Variants in LRMDA observed in about 807,000 individuals in gnomAD.
The protein encoded by LRMDA is leucine-rich melanocyte differentiation-associated protein.
A neutral mutation model predicts 29.8 loss-of-function variants in LRMDA; 18 were observed. The ratio of observed to expected loss-of-function variants is 0.60; its 90% CI spans 0.42 to 0.90. The LOEUF is 0.90. Among genes scored for constraint, LRMDA ranks in the 40% least tolerant of loss-of-function variants. The pLI is 0.00. For missense variants in LRMDA, 273 were observed against 273.9 expected, an observed-to-expected ratio of 1.00 and a Z score of 0.02; for synonymous variants, 125 against 109.4, an observed-to-expected ratio of 1.14 and a Z score of -0.89.
At chr10:75,996,396 A>T (rs1847462719) in intron 2 of LRMDA, among the ~76,000 whole-genome samples, 1 of 152,162 alleles carries the variant, frequency 6.6e-6, no homozygotes, top group African/African-American at 2.4e-5. Flanking sequence ...CCTATTTATT[A>T]AAGGTTTTAT....
chr10:75,795,801 G>C (rs1843642510), intron 2 of LRMDA, among the ~76,000 whole-genome samples: 1 of 152,144 alleles, frequency 6.6e-6, no homozygotes. Flanking sequence ...GTGGGGTTTT[G>C]ATTGGGATTT....
intron 2 of LRMDA, chr10:75,782,708 A>T (rs1347448354): frequency 7.9e-7 from 1 of 1,270,430 alleles, no homozygotes; most frequent in Non-Finnish European, 1.0e-6. Context: ...AAAGCCAGGC[A>T]CTTGTGAGAT....
chr10:76,034,121 T>C (rs1450680573), intron 2 of LRMDA, among the ~76,000 whole-genome samples: 2 of 151,916 alleles, frequency 1.3e-5, no homozygotes, highest in African/African-American at 4.8e-5. Flanking sequence ...CAACAGGAAA[T>C]AGAGGAGCGG....
intron 2 of LRMDA, among the ~76,000 whole-genome samples, chr10:75,685,303 G>A (rs546416592): frequency 6.6e-6 from 1 of 152,262 alleles, no homozygotes; most frequent in South Asian, 2.1e-4. Flanking sequence ...TCTCCTTGGG[G>A]ATTTGAGAAT....
At chr10:75,599,579 CG>C (rs1396621778) in intron 2 of LRMDA, among the ~76,000 whole-genome samples, 1 of 152,048 alleles carries the variant, frequency 6.6e-6, no homozygotes, top group Non-Finnish European at 1.5e-5. Flanking sequence ...ATGGAGACGG[CG>C]GGTAGTAGAA....
chr10:75,608,129 T>TATATATATATATATATATAA, intron 2 of LRMDA, among the ~76,000 whole-genome samples: 1 of 89,600 alleles, frequency 1.1e-5, no homozygotes, highest in South Asian at 4.1e-4. Context: ...TATATATATA[T>TATATATATATATATATATAA]ACACACACAT....
At chr10:75,639,881 G>C (rs1005948970) in intron 2 of LRMDA, among the ~76,000 whole-genome samples, 4 of 152,214 alleles carry the variant, frequency 2.6e-5, no homozygotes, top group African/African-American at 7.2e-5. Flanking sequence ...TGATGCTGTC[G>C]TGTTGAGGAG....
chr10:76,485,895 G>C (rs981436609), intron 6 of LRMDA, among the ~76,000 whole-genome samples: 2 of 151,790 alleles, frequency 1.3e-5, no homozygotes, highest in Non-Finnish European at 2.9e-5. Flanking sequence ...GACTGCTATA[G>C]CTCCCAGGCT....
chr10:76,526,630 AT>A (rs914320120), intron 6 of LRMDA, among the ~76,000 whole-genome samples: 1 of 152,100 alleles, frequency 6.6e-6, no homozygotes, highest in African/African-American at 2.4e-5. Context: ...GATAAATCGC[AT>A]TTTTTGTATA....
chr10:75,560,285 C>T (rs1840274079), intron 2 of LRMDA, among the ~76,000 whole-genome samples: 1 of 152,034 alleles, frequency 6.6e-6, no homozygotes, highest in Non-Finnish European at 1.5e-5. Flanking sequence ...ATTTTATTCT[C>T]TTTGAAACAA....
At chr10:76,527,421 T>G (rs1039011808) in intron 6 of LRMDA, among the ~76,000 whole-genome samples, 4 of 152,196 alleles carry the variant, frequency 2.6e-5, no homozygotes. Flanking sequence ...ATAACCTCTC[T>G]GCAGATTGAA....
At chr10:75,439,491 A>C (rs1199574529) in intron 2 of LRMDA, among the ~76,000 whole-genome samples, 1 of 152,214 alleles carries the variant, frequency 6.6e-6, no homozygotes, top group East Asian at 1.9e-4. Context: ...AAAATGGAAC[A>C]CAACTCTGGA....
intron 5 of LRMDA, among the ~76,000 whole-genome samples, chr10:76,163,583 A>G (rs939367896): frequency 2.0e-5 from 3 of 152,166 alleles, no homozygotes; most frequent in Non-Finnish European, 4.4e-5. Flanking sequence ...ACATCTTTCT[A>G]TGTAATTCAT....
intron 6 of LRMDA, among the ~76,000 whole-genome samples, chr10:76,410,123 A>G (rs941998959): frequency 6.6e-6 from 1 of 151,964 alleles, no homozygotes; most frequent in Non-Finnish European, 1.5e-5. Flanking sequence ...GAAGGCACGG[A>G]ATTGTAGTTT....
intron 6 of LRMDA, among the ~76,000 whole-genome samples, chr10:76,404,166 A>G (rs568351200): frequency 6.6e-6 from 1 of 152,346 alleles, no homozygotes; most frequent in East Asian, 1.9e-4. Context: ...GAAATCACAT[A>G]GCACGAGATA....
At chr10:75,933,257 G>A (rs1846234075) in intron 2 of LRMDA, among the ~76,000 whole-genome samples, 1 of 152,122 alleles carries the variant, frequency 6.6e-6, no homozygotes, top group African/African-American at 2.4e-5. Context: ...AGAGGAGATT[G>A]GCCAACGAGA....
chr10:75,760,819 C>A (rs942507363), intron 2 of LRMDA, among the ~76,000 whole-genome samples: 4 of 152,182 alleles, frequency 2.6e-5, no homozygotes, highest in Admixed American at 6.5e-5. Context: ...TCAGGGCATA[C>A]ACTTGCTTGT....
chr10:75,949,749 G>A (rs896399121), intron 2 of LRMDA, among the ~76,000 whole-genome samples: 10 of 152,096 alleles, frequency 6.6e-5, no homozygotes, highest in Admixed American at 2.0e-4. Context: ...TTACCCATAG[G>A]GAAGCTTGCT....
Position 76,062,698 on chromosome 10 carries a change from T to TG in LRMDA, c.516+3915_516+3916insG, listed in dbSNP as rs1564642890. On this transcript the variant is annotated intron_variant, in intron 5 of 6. Coordinates refer to ENST00000611255, the MANE Select transcript of LRMDA (RefSeq NM_001305581.2). ...TGTGTGTGTGTGTGTGTGTGTGTGT[T>TG]ATTAGTTGATGGACCTGCAACAGCT... Among the ~76,000 whole-genome samples the TG allele has an allele frequency of 2.5e-3, 258 of 101,902 alleles. 1 individual carries two copies. The highest frequency in any genetic ancestry group is 7.5e-3 in the African/African-American group (240 of 32,030). The allele number at this position is 101,902 out of a possible 152,430, so 66.9% of individuals were successfully genotyped here.
Sources: allele counts gnomAD v4.1 joint callset (sites outside exome capture counted in the v4.1 genomes callset), GRCh38; gene constraint gnomAD v4.1.1; transcripts MANE v1.5; gene names NCBI Gene and HGNC (gene_info 2026-07-23, HGNC 2026-07-21).